The following TAF2 variants were observed in gnomAD, a reference collection of about 807,000 sequenced individuals.
TAF2 encodes TATA-box binding protein associated factor 2, also known as transcription initiation factor TFIID subunit 2.
TAF2 carries 61 observed loss-of-function variants against 138.5 expected under a neutral mutation model. The ratio of observed to expected loss-of-function variants is 0.44; its 90% CI spans 0.36 to 0.54. The LOEUF is 0.54. TAF2 is among the 20% of genes least tolerant of loss of function. The pLI is 0.00. For synonymous variants in TAF2, 475 were observed against 469.9 expected, an observed-to-expected ratio of 1.01 and a Z score of -0.14; for missense variants, 1,090 against 1,427.9, an observed-to-expected ratio of 0.76 and a Z score of 3.81.
chr8:119,812,628 G>A (rs1018500308), intron 3 of TAF2, among the ~76,000 whole-genome samples: 4 of 152,048 alleles, frequency 2.6e-5, no homozygotes, highest in Middle Eastern at 3.2e-3. Context: ...CCATTTCCGA[G>A]TTACTTCACT....
intron 2 of TAF2, among the ~76,000 whole-genome samples, chr8:119,829,961 G>A (rs772335295): frequency 2.7e-4 from 40 of 150,212 alleles, no homozygotes; most frequent in Non-Finnish European, 4.4e-4. Flanking sequence ...CAGGTTCGGC[G>A]CGATCTCGGC....
At chr8:119,765,667 A>G (rs114621868) in intron 18 of TAF2, among the ~76,000 whole-genome samples, 1 of 152,284 alleles carries the variant, frequency 6.6e-6, no homozygotes, top group South Asian at 2.1e-4. Flanking sequence ...TTTTTTAAGG[A>G]GGAAAGAAAT....
intron 22 of TAF2, among the ~76,000 whole-genome samples, chr8:119,747,708 T>G (rs1041416189): frequency 6.6e-6 from 1 of 152,168 alleles, no homozygotes; most frequent in Non-Finnish European, 1.5e-5. Flanking sequence ...TAGAACTGAC[T>G]AAAAAGATGA....
chr8:119,753,737 A>G (rs1340168244), intron 22 of TAF2, among the ~76,000 whole-genome samples: 2 of 152,214 alleles, frequency 1.3e-5, no homozygotes, highest in East Asian at 3.8e-4. Flanking sequence ...TCTTGAACAC[A>G]TATTTATTTT....
chr8:119,821,364 T>C (rs1208587736), intron 2 of TAF2, among the ~76,000 whole-genome samples: 1 of 152,212 alleles, frequency 6.6e-6, no homozygotes, highest in East Asian at 1.9e-4. Context: ...CACTCCATTT[T>C]AAACATTTCC....
intron 25 of TAF2, among the ~76,000 whole-genome samples, chr8:119,736,487 T>C (rs992951626): frequency 1.2e-4 from 19 of 152,200 alleles, no homozygotes; most frequent in Non-Finnish European, 2.9e-5. Flanking sequence ...AGGACAATAA[T>C]TGTGATAGAC....
Position 119,809,878 on chromosome 8 carries a change from G to C in TAF2, c.300-3477C>G, listed in dbSNP as rs962224397. 9.0e-4 allele frequency among the ~76,000 whole-genome samples: 136 copies of C among 150,844 alleles called. 1 individual carries two copies. Among genetic ancestry groups the C allele is most frequent in the African/African-American group, 3.1e-3 (128 of 41,136 alleles). On this transcript the variant is annotated intron_variant, in intron 3 of 25. Transcript: ENST00000378164. ...CCTTAACAGATATAATAATGAAAAAGTTTGAAATATTGCAAGAATTACAAA... is the reference window on the plus strand; with the variant it reads ...CCTTAACAGATATAATAATGAAAAACTTTGAAATATTGCAAGAATTACAAA...
intron 24 of TAF2, among the ~76,000 whole-genome samples, chr8:119,743,735 T>TA (rs977251597): frequency 6.6e-6 from 1 of 151,928 alleles, no homozygotes; most frequent in African/African-American, 2.4e-5. Context: ...AACAAAAAAA[T>TA]AAAGTGCAGA....
intron 2 of TAF2, among the ~76,000 whole-genome samples, chr8:119,823,100 A>AT (rs1293321993): frequency 1.3e-5 from 2 of 152,020 alleles, no homozygotes; most frequent in Admixed American, 6.6e-5. Flanking sequence ...TTTCTGTAGA[A>AT]TTTTTTCCGT....
At chr8:119,788,552 A>ACCATCCTGGCTAACAC in intron 13 of TAF2, 105 bp from the exon 14 acceptor site, 1 of 942,460 alleles carries the variant, frequency 1.1e-6, no homozygotes, top group Admixed American at 2.4e-5. Context: ...ATATTACACA[A>ACCATCCTGGCTAACAC]AATGAGTATC....
rs943559338 is a variant in TAF2 at position 119,730,924 on chromosome 8, A to G, written c.*1000T>C. 1 of 152,240 alleles carries G rather than the reference A, an allele frequency of 6.6e-6. No homozygotes were observed. The highest frequency in any genetic ancestry group is 1.5e-5 in the Non-Finnish European group (1 of 68,040). 9.4% of individuals were successfully genotyped at this position (152,240 alleles called of 1,614,324 possible). On this transcript the variant is annotated 3_prime_UTR_variant, in exon 26 of 26. Coordinates refer to ENST00000378164, the MANE Select transcript of TAF2 (RefSeq NM_003184.4). ...AAAAAATATTCTTAAACAAATATTA[A>G]AGCACATGGAAAATTCAGAAATAAA...
chr8:119,781,204 T>G lies in TAF2; in HGVS notation c.2113-11A>C, dbSNP rs368346414. 4 of 1,613,736 alleles carry G rather than the reference T, an allele frequency of 2.5e-6. No individual in the cohort carries two copies. Among genetic ancestry groups the G allele is most frequent in the Admixed American group, 1.7e-5 (1 of 59,984 alleles). On this transcript the variant is annotated splice_polypyrimidine_tract_variant and intron_variant, in intron 16 of 25. Transcript: ENST00000378164. ...CATTGAATTTGCAATCTGCAAATAA[T>G]TAGAAAACAAAGTAATTTCCATTAC...
At chr8:119,762,645 T>C (rs776884704) in intron 18 of TAF2, 37 bp from the exon 19 acceptor site, 3 of 1,547,276 alleles carry the variant, frequency 1.9e-6, no homozygotes, top group Non-Finnish European at 1.8e-6. Flanking sequence ...ATAACAAAAT[T>C]AACTCTTCTG....
intron 19 of TAF2, 118 bp downstream of exon 19, chr8:119,762,297 T>A: frequency 1.0e-6 from 1 of 959,692 alleles, no homozygotes; most frequent in South Asian, 1.6e-5. Context: ...GGTAGAATCA[T>A]ACAGAATTTT....
rs372871537 is a variant in TAF2 at position 119,742,547 on chromosome 8, T to A, written c.3324A>T (p.Ala1108=). The A allele has an allele frequency of 1.2e-6, 2 of 1,613,876 alleles. No individual in the cohort carries two copies. The highest frequency in any genetic ancestry group is 2.7e-5 in the African/African-American group (2 of 74,912). The change falls in exon 25 of 26, where the codon GCA becomes GCT. Residue 1108 remains alanine, a synonymous_variant. Transcript: ENST00000378164. ...AATTATTTTTACCTGTTCCCTTCCG[T>A]GCAAGTTCCAAACTCCACTGGGGTT... The part of the protein sequence containing the change: ...TTKPQWSLEL[A]RKGTGKEQAP...
intron 2 of TAF2, among the ~76,000 whole-genome samples, chr8:119,819,893 A>G (rs1408194284): frequency 2.0e-5 from 3 of 151,572 alleles, no homozygotes; most frequent in Admixed American, 6.6e-5. Context: ...AACATGGCAG[A>G]AAAAAAAAGG....
At chr8:119,821,216 T>G (rs1434749292) in intron 2 of TAF2, among the ~76,000 whole-genome samples, 1 of 152,156 alleles carries the variant, frequency 6.6e-6, no homozygotes, top group Non-Finnish European at 1.5e-5. Context: ...TTCGGACCCA[T>G]TAACCTCTAC....
Position 119,797,812 on chromosome 8 carries a change from A to C in TAF2, c.827T>G (p.Leu276Trp). The change falls in exon 7 of 26, where the codon TTG becomes TGG. Residue 276 changes from leucine to tryptophan, a missense_variant. Transcript: ENST00000378164. ...THFCLPQLLP[L>W]LKHTTSYLHE... ...AAGGTATGATGTGGTATGTTTCAGCAATGGAAGAAGTTGGGGCAAACAAAA... is the reference window on the plus strand; with the variant it reads ...AAGGTATGATGTGGTATGTTTCAGCCATGGAAGAAGTTGGGGCAAACAAAA... 1 of 1,613,620 alleles carries C rather than the reference A, an allele frequency of 6.2e-7. No homozygotes were observed. The highest frequency in any genetic ancestry group is 8.5e-7 in the Non-Finnish European group (1 of 1,179,684).
intron 24 of TAF2, among the ~76,000 whole-genome samples, chr8:119,743,493 G>A (rs972476312): frequency 6.6e-6 from 1 of 152,090 alleles, no homozygotes; most frequent in Non-Finnish European, 1.5e-5. Context: ...TAACTTTGGT[G>A]GCAGGTACAC....
Sources: allele counts gnomAD v4.1 joint callset (sites outside exome capture counted in the v4.1 genomes callset), GRCh38; gene constraint gnomAD v4.1.1; transcripts MANE v1.5; gene names NCBI Gene and HGNC (gene_info 2026-07-23, HGNC 2026-07-21).